Variants in PAK5 observed in about 807,000 individuals in gnomAD.
The protein encoded by PAK5 is p21 (RAC1) activated kinase 5, also known as serine/threonine-protein kinase PAK 5.
PAK5 carries 16 observed loss-of-function variants against 65.9 expected under a neutral mutation model. That is an observed-to-expected ratio of 0.24 (90% CI 0.16 to 0.37). The LOEUF is 0.37. PAK5 is among the 10% of genes least tolerant of loss of function. The pLI, the probability that PAK5 is intolerant of heterozygous loss-of-function variation, is 1.00. For synonymous variants in PAK5, 371 were observed against 354.9 expected (o/e 1.05, Z -0.51); for missense variants, 785 against 903.9 (o/e 0.87, Z 1.69).
intron 1 of PAK5, among the ~76,000 whole-genome samples, chr20:9,792,075 T>G (rs1200652146): frequency 6.6e-6 from 1 of 152,188 alleles, no homozygotes; most frequent in East Asian, 1.9e-4. Context: ...GTAAGCACCT[T>G]GAGGGGTGAC....
chr20:9,553,971 A>C (rs2045469202), intron 7 of PAK5, among the ~76,000 whole-genome samples: 1 of 152,204 alleles, frequency 6.6e-6, no homozygotes, highest in South Asian at 2.1e-4. Context: ...TCCTATGAGC[A>C]GTGTATGAAT....
At chr20:9,665,993 C>T (rs966662069) in intron 2 of PAK5, among the ~76,000 whole-genome samples, 3 of 152,020 alleles carry the variant, frequency 2.0e-5, no homozygotes, top group Non-Finnish European at 2.9e-5. Context: ...AATAAGCCTC[C>T]GTCTTTAATG....
rs1469299079 is a variant in PAK5, at chr20:9,585,569, G to A, written c.205-4639C>T. On this transcript the variant is annotated intron_variant, in intron 3 of 9. Coordinates refer to ENST00000353224, the MANE Select transcript of PAK5 (RefSeq NM_177990.4). ...TTAGTTGCTGAATGTACGGAATATG[G>A]ATAATTCTAGATTCCAATTTCAATT... Among the ~76,000 whole-genome samples the A allele has an allele frequency of 3.3e-5, 5 of 152,304 alleles. No individual in the cohort carries two copies. In the East Asian group the frequency reaches 7.7e-4, roughly 23 times the overall value.
intron 3 of PAK5, among the ~76,000 whole-genome samples, chr20:9,642,268 A>G (rs1169852322): frequency 6.6e-6 from 1 of 152,226 alleles, no homozygotes; most frequent in Non-Finnish European, 1.5e-5. Context: ...TTACAGTCCC[A>G]CCAACAATGT....
intron 7 of PAK5, among the ~76,000 whole-genome samples, chr20:9,547,959 C>A (rs2122909290): frequency 6.6e-6 from 1 of 152,262 alleles, no homozygotes; most frequent in African/African-American, 2.4e-5. Flanking sequence ...GATAAGGGGG[C>A]ATTTGTTTGC....
intron 2 of PAK5, among the ~76,000 whole-genome samples, chr20:9,701,622 C>T (rs1198687323): frequency 6.6e-6 from 1 of 152,156 alleles, no homozygotes; most frequent in Non-Finnish European, 1.5e-5. Context: ...AAAGTTATTT[C>T]ATTTTTGGTA....
chr20:9,669,881 C>T (rs540563209), intron 2 of PAK5, among the ~76,000 whole-genome samples: 9 of 152,154 alleles, frequency 5.9e-5, no homozygotes, highest in East Asian at 3.9e-4. Flanking sequence ...ATTAACCCAA[C>T]ATTTAGCATT....
intron 3 of PAK5, among the ~76,000 whole-genome samples, chr20:9,631,018 C>T (rs771010817): frequency 6.6e-6 from 1 of 152,150 alleles, no homozygotes; most frequent in Non-Finnish European, 1.5e-5. Context: ...ATAGATTACT[C>T]CCAAGCACTC....
At chr20:9,699,024 T>C (rs1489842898) in intron 2 of PAK5, among the ~76,000 whole-genome samples, 1 of 152,188 alleles carries the variant, frequency 6.6e-6, no homozygotes, top group Non-Finnish European at 1.5e-5. Flanking sequence ...GTAGTGATGT[T>C]TGAATAATGT....
At chr20:9,660,625 T>C (rs1480134868) in intron 2 of PAK5, among the ~76,000 whole-genome samples, 1 of 152,062 alleles carries the variant, frequency 6.6e-6, no homozygotes, top group Non-Finnish European at 1.5e-5. Flanking sequence ...TTATATTGTG[T>C]GGATAGGGAT....
At position 9,580,475 on chromosome 20, in the gene PAK5, C is replaced by T; in HGVS notation, c.660G>A (p.Gln220=). The stretch of plus-strand genomic sequence containing the variant: ...CCAGAGGGGAGCTACTCGAGGCTCT[C>T]TGATACTCCCACTTGAGGTCACTGT... ...SEYSDLKWEY[Q]RASSSSPLDY... is the part of the protein sequence containing the mutation. The change falls in exon 4 of 10, where the codon CAG becomes CAA. Residue 220 remains glutamine, a synonymous_variant. Coordinates refer to ENST00000353224, the MANE Select transcript of PAK5 (RefSeq NM_177990.4). The T allele has an allele frequency of 6.2e-7, 1 of 1,614,038 alleles. No homozygotes were observed. Among genetic ancestry groups the T allele is most frequent in the Non-Finnish European group, 8.5e-7 (1 of 1,179,924 alleles).
intron 1 of PAK5, among the ~76,000 whole-genome samples, chr20:9,812,368 C>G (rs1210880236): frequency 1.3e-5 from 2 of 151,058 alleles, no homozygotes; most frequent in Non-Finnish European, 3.0e-5. Context: ...TGGCAAGTAA[C>G]ATATAAAAAT....
chr20:9,660,707 A>G (rs1277012434), intron 2 of PAK5, among the ~76,000 whole-genome samples: 2 of 152,170 alleles, frequency 1.3e-5, no homozygotes, highest in Non-Finnish European at 2.9e-5. Context: ...ACCGTTCATT[A>G]GAGTATCTGG....
At position 9,614,572 on chromosome 20, in the gene PAK5, G is replaced by A. The variant is rs185804195; in HGVS notation, c.204+29553C>T. Among the ~76,000 whole-genome samples the A allele has an allele frequency of 1.9e-3, 286 of 152,232 alleles. 1 individual carries two copies. Among genetic ancestry groups the A allele is most frequent in the Non-Finnish European group, 3.1e-3 (212 of 68,018 alleles). On this transcript the variant is annotated intron_variant, in intron 3 of 9. Coordinates refer to ENST00000353224, the MANE Select transcript of PAK5 (RefSeq NM_177990.4). ...TCAGATAAGGAAAAAAATCCCAAAA[G>A]ATGCCAAAGGTGAAAAACACCTTAC...
chr20:9,615,697 T>C (rs79413152), intron 3 of PAK5, among the ~76,000 whole-genome samples: 1 of 152,138 alleles, frequency 6.6e-6, no homozygotes, highest in Non-Finnish European at 1.5e-5. Context: ...TTTTGCATAA[T>C]CGTGTGGGTC....
At chr20:9,698,798 T>C (rs2047902450) in intron 2 of PAK5, among the ~76,000 whole-genome samples, 1 of 152,204 alleles carries the variant, frequency 6.6e-6, no homozygotes, top group Admixed American at 6.5e-5. Flanking sequence ...TCAAGTACCT[T>C]TGATTTTGAC....
chr20:9,762,875 G>A (rs1360056591), intron 1 of PAK5, among the ~76,000 whole-genome samples: 6 of 152,096 alleles, frequency 3.9e-5, no homozygotes, highest in Non-Finnish European at 8.8e-5. Flanking sequence ...AAATGCCCAT[G>A]AACAGGAAAA....
chr20:9,618,930 T>TTG (rs2046719410), intron 3 of PAK5, among the ~76,000 whole-genome samples: 1 of 108,458 alleles, frequency 9.2e-6, no homozygotes, highest in Non-Finnish European at 2.0e-5. Flanking sequence ...TTTTTTTTTT[T>TTG]TTTTTTTTTT....
intron 7 of PAK5, among the ~76,000 whole-genome samples, chr20:9,556,961 G>A (rs1490539314): frequency 6.6e-6 from 1 of 152,084 alleles, no homozygotes; most frequent in Non-Finnish European, 1.5e-5. Flanking sequence ...CATCCTGCAG[G>A]TTCACCTTGG....
Sources: gnomAD v4.1 joint callset for allele counts (sites outside exome capture counted in the v4.1 genomes callset) on GRCh38, gnomAD v4.1.1 for gene constraint, MANE v1.5 for transcripts, NCBI Gene and HGNC (gene_info 2026-07-23, HGNC 2026-07-21) for gene names.